Variants in RUBCN observed in about 807,000 individuals in gnomAD.
RUBCN encodes the protein rubicon autophagy regulator.
Under a neutral mutation model 113.2 loss-of-function variants are expected in RUBCN, and 74 were observed. That is an observed-to-expected ratio of 0.65 (90% confidence interval 0.54 to 0.79). RUBCN has a LOEUF of 0.79. Among genes scored for constraint, RUBCN ranks in the 30% least tolerant of loss-of-function variants. RUBCN has a pLI of 0.00. For missense variants in RUBCN, 1,109 were observed against 1,251.7 expected (o/e 0.89, Z 1.72); for synonymous variants, 480 against 490.0 (o/e 0.98, Z 0.27).
chr3:197,707,586 G>A (rs1036466220), intron 2 of RUBCN, among the ~76,000 whole-genome samples: 4 of 151,980 alleles, frequency 2.6e-5, no homozygotes, highest in Non-Finnish European at 5.9e-5. Context: ...GAGTTAAAAA[G>A]GAAAAAGGAA....
At chr3:197,717,221 T>A (rs1725622241) in intron 2 of RUBCN, among the ~76,000 whole-genome samples, 1 of 149,892 alleles carries the variant, frequency 6.7e-6, no homozygotes, top group Non-Finnish European at 1.5e-5. Context: ...GATCACAAGG[T>A]CAGGAGATTG....
Position 197,683,186 on chromosome 3 carries a change from G to T in RUBCN, c.1980+121C>A. 8.3e-7 allele frequency: 1 copy of T among 1,204,470 alleles called. No individual in the cohort carries two copies. Among genetic ancestry groups the T allele is most frequent in the Non-Finnish European group, 1.2e-6 (1 of 807,960 alleles). The allele number at this position is 1,204,470 out of a possible 1,614,324, so 74.6% of individuals were successfully genotyped here. A position where few individuals can be genotyped will look rare whatever the true frequency, so the allele number is the denominator to read the frequency against. ...ATCACTTGACACATTGTAATGAATG[G>T]CTTCCACGAGTAAGGGGGGAACACC... On this transcript the variant is annotated intron_variant, in intron 13 of 19. Transcript: ENST00000296343. This position sits in a 1 kb window ranked among gnomAD's most constrained non-coding sequence, Gnocchi z 4.6.
Position 197,704,423 on chromosome 3 carries a change from T to A in RUBCN, c.463+119A>T, listed in dbSNP as rs1724049102. 5 of 947,686 alleles carry A rather than the reference T, an allele frequency of 5.3e-6. No individual in the cohort carries two copies. In the Admixed American group the frequency reaches 8.6e-5, roughly 16 times the overall value. The allele number at this position is 947,686 out of a possible 1,614,324, so 58.7% of individuals were successfully genotyped here. On this transcript the variant is annotated intron_variant, in intron 4 of 19. Coordinates refer to ENST00000296343, the MANE Select transcript of RUBCN (RefSeq NM_014687.4). ...CACTCCAGCCTGGGTGACAAGAGCGTAAGTCCATCTCAAAGAAAAAAAGAA... is the reference window on the plus strand; with the variant it reads ...CACTCCAGCCTGGGTGACAAGAGCGAAAGTCCATCTCAAAGAAAAAAAGAA...
intron 11 of RUBCN, among the ~76,000 whole-genome samples, chr3:197,688,169 G>A (rs1485589798): frequency 6.6e-6 from 1 of 152,180 alleles, no homozygotes; most frequent in African/African-American, 2.4e-5. Context: ...TGGGATTACA[G>A]GTGCACACCA....
chr3:197,744,879 ATATT>A (rs1728670469), intron 1 of RUBCN, among the ~76,000 whole-genome samples: 2 of 152,084 alleles, frequency 1.3e-5, no homozygotes, highest in Admixed American at 1.3e-4. Context: ...ATATATAATA[ATATT>A]TATTCAGATT....
intron 2 of RUBCN, among the ~76,000 whole-genome samples, chr3:197,710,261 T>A (rs1295520502): frequency 6.6e-6 from 1 of 151,894 alleles, no homozygotes; most frequent in Non-Finnish European, 1.5e-5. Context: ...TTAATTTGAC[T>A]TACTAAAAGT....
upstream of RUBCN, among the ~76,000 whole-genome samples, chr3:197,739,771 C>G (rs1416478514): frequency 1.3e-5 from 2 of 152,174 alleles, no homozygotes; most frequent in Non-Finnish European, 2.9e-5. Flanking sequence ...GAAGCGGTGG[C>G]TCACGCCTGT....
chr3:197,696,304 G>A (rs890599076), intron 8 of RUBCN, among the ~76,000 whole-genome samples: 9 of 151,614 alleles, frequency 5.9e-5, no homozygotes, highest in Non-Finnish European at 8.8e-5. Context: ...CCTGGGAGGC[G>A]GAGGTTGCAG....
At chr3:197,707,877 T>C (rs942259863) in intron 2 of RUBCN, among the ~76,000 whole-genome samples, 1 of 151,588 alleles carries the variant, frequency 6.6e-6, no homozygotes, top group African/African-American at 2.4e-5. Flanking sequence ...GGCAGGAGAA[T>C]CACTTGAGCC....
chr3:197,686,782 T>A (rs1721905279), intron 11 of RUBCN, among the ~76,000 whole-genome samples: 1 of 152,214 alleles, frequency 6.6e-6, no homozygotes, highest in Non-Finnish European at 1.5e-5. Flanking sequence ...GATTTTTTTG[T>A]ACAAAAACAA....
chr3:197,722,519 G>T (rs568208050), intron 1 of RUBCN, among the ~76,000 whole-genome samples: 1 of 151,546 alleles, frequency 6.6e-6, no homozygotes, highest in Non-Finnish European at 1.5e-5. Flanking sequence ...CAGAGTTTTC[G>T]ACTGTTACTG....
chr3:197,749,453 A>T (rs566776828), exon 1 of RUBCN: 1 of 1,261,104 alleles, frequency 7.9e-7, no homozygotes, highest in Non-Finnish European at 1.0e-6. Flanking sequence ...GCGCAGCTGT[A>T]GGTGGAGGAG....
Position 197,683,769 on chromosome 3 carries a change from T to C in RUBCN, c.1848-330A>G, listed in dbSNP as rs2108856151. The stretch of plus-strand genomic sequence containing the variant: ...AAACAAAGTGAGTAAAATTGCTTTG[T>C]GGACTACAAAGCGATTTTTCCTCCC... On this transcript the variant is annotated intron_variant, in intron 12 of 19. Transcript: ENST00000296343. The surrounding 1 kb of genome is among the most constrained non-coding windows in gnomAD (Gnocchi z 4.6). Among the ~76,000 whole-genome samples the C allele has an allele frequency of 6.6e-6, 1 of 152,294 alleles. No individual in the cohort carries two copies. Among genetic ancestry groups the C allele is most frequent in the African/African-American group, 2.4e-5 (1 of 41,554 alleles).
At chr3:197,739,431 T>G (rs191553140), upstream of RUBCN, among the ~76,000 whole-genome samples, 1 of 145,592 alleles carries the variant, frequency 6.9e-6, no homozygotes, top group Non-Finnish European at 1.5e-5. Flanking sequence ...TGGTGGCTCA[T>G]GCCTGTAATC....
At position 197,681,100 on chromosome 3, in the gene RUBCN, C is replaced by T. The variant is rs768095297; in HGVS notation, c.2430+29G>A. 18 of 1,476,142 alleles carry T rather than the reference C, an allele frequency of 1.2e-5. No homozygotes were observed. The highest frequency in any genetic ancestry group is 1.7e-5 in the Non-Finnish European group (18 of 1,056,690). The allele number at this position is 1,476,142 out of a possible 1,614,324, so 91.4% of individuals were successfully genotyped here. On this transcript the variant is annotated intron_variant, in intron 16 of 19. Coordinates refer to ENST00000296343, the MANE Select transcript of RUBCN (RefSeq NM_014687.4). This position sits in a 1 kb window ranked among gnomAD's most constrained non-coding sequence, Gnocchi z 5.5. ...GGATGAGGGGAGGAGAAGGGCAAGACTCTAAGGTGGCCTTTTCCAAGGTCT... is the reference window on the plus strand; with the variant it reads ...GGATGAGGGGAGGAGAAGGGCAAGATTCTAAGGTGGCCTTTTCCAAGGTCT...
chr3:197,700,899 C>A lies in RUBCN; in HGVS notation c.975G>T (p.Leu325=), dbSNP rs761331486. The A allele has an allele frequency of 6.2e-7, 1 of 1,614,168 alleles. No homozygotes were observed. Among genetic ancestry groups the A allele is most frequent in the Non-Finnish European group, 8.5e-7 (1 of 1,180,040 alleles). ...CTCGGGGGTCCAAGTTGCCAATGGCCAGGTACTCAGGCCCCTCACTGGCAT... is the reference window on the plus strand; with the variant it reads ...CTCGGGGGTCCAAGTTGCCAATGGCAAGGTACTCAGGCCCCTCACTGGCAT... ...PGDASEGPEY[L]AIGNLDPRGR... Residue 325 remains leucine, a synonymous_variant, in exon 7 of 20, where the codon CTG becomes CTT. Coordinates refer to ENST00000296343, the MANE Select transcript of RUBCN (RefSeq NM_014687.4).
chr3:197,697,489 T>C (rs1723145175), intron 7 of RUBCN, among the ~76,000 whole-genome samples: 2 of 152,204 alleles, frequency 1.3e-5, no homozygotes, highest in Admixed American at 1.3e-4. Context: ...ATCAGAAGAT[T>C]TACATTCACT....
At chr3:197,719,923 CTG>C (rs1311550801) in intron 1 of RUBCN, among the ~76,000 whole-genome samples, 1 of 152,212 alleles carries the variant, frequency 6.6e-6, no homozygotes, top group Non-Finnish European at 1.5e-5. Context: ...TATCATTTCC[CTG>C]TGATGAGAAC....
At chr3:197,702,942 C>T (rs1180234572) in intron 5 of RUBCN, among the ~76,000 whole-genome samples, 1 of 152,108 alleles carries the variant, frequency 6.6e-6, no homozygotes, top group Non-Finnish European at 1.5e-5. Context: ...CCCTCTTTTC[C>T]CCAGATCTTT....
Sources: allele counts gnomAD v4.1 joint callset (sites outside exome capture counted in the v4.1 genomes callset), GRCh38; gene constraint gnomAD v4.1.1; non-coding constraint Gnocchi (gnomAD v3.1); transcripts MANE v1.5; gene names NCBI Gene and HGNC (gene_info 2026-07-23, HGNC 2026-07-21).